CCDC88A: variants seen among roughly 807,000 people sequenced by gnomAD.
CCDC88A encodes girdin.
In CCDC88A, 54 loss-of-function variants were observed where a neutral mutation model predicts 234.3. The ratio of observed to expected loss-of-function variants is 0.23; its 90% CI spans 0.19 to 0.29. The LOEUF is 0.29. CCDC88A is among the 10% of genes least tolerant of loss of function. The probability of loss-of-function intolerance (pLI) is 1.00; values close to 1 mark genes in which losing one functional copy is unlikely to be tolerated. For synonymous variants in CCDC88A, 753 were observed against 737.8 expected, an observed-to-expected ratio of 1.02 and a Z score of -0.33; for missense variants, 1,832 against 2,123.4, an observed-to-expected ratio of 0.86 and a Z score of 2.70.
chr2:55,302,802 TCCTGCCAA>T, intron 26 of CCDC88A: 1 of 251,050 alleles, frequency 4.0e-6, no homozygotes, highest in Non-Finnish European at 7.6e-6. Context: ...AGGGTTTTTT[TCCTGCCAA>T]TTTTTAGAAA....
Position 55,359,450 on chromosome 2 carries a change from T to G in CCDC88A, c.627+2858A>C, listed in dbSNP as rs151127070. ...AAGATTATTTAGATATTTTGACATT[T>G]CTCTAATGGCAGTAACTTCTTGAGT... On this transcript the variant is annotated intron_variant, in intron 7 of 32. Transcript: ENST00000436346. 5.1e-3 allele frequency among the ~76,000 whole-genome samples: 775 copies of G among 152,104 alleles called. 3 individuals are homozygous for G. The highest frequency in any genetic ancestry group is 6.3e-3 in the Admixed American group (96 of 15,294).
At chr2:55,393,485 G>C (rs1272003000) in intron 2 of CCDC88A, among the ~76,000 whole-genome samples, 1 of 151,166 alleles carries the variant, frequency 6.6e-6, no homozygotes, top group East Asian at 1.9e-4. Context: ...GTAGTGACGG[G>C]GTTTCACTAT....
At chr2:55,348,369 G>C (rs1020787601) in intron 9 of CCDC88A, 1 of 153,246 alleles carries the variant, frequency 6.5e-6, no homozygotes, top group African/African-American at 2.4e-5. Flanking sequence ...CACCTCCCGG[G>C]TTCAAGCGAT....
At position 55,361,379 on chromosome 2, in the gene CCDC88A, C is replaced by T. The variant is rs1671290617; in HGVS notation, c.627+929G>A. Among the ~76,000 whole-genome samples the T allele has an allele frequency of 2.6e-5, 4 of 152,128 alleles. No individual in the cohort carries two copies. The South Asian group carries it at 8.3e-4, about 32-fold the overall frequency. ...CTTTCCTTCCTTTGGTCTCAAAGTCCTAGCTTTTTAAAAAATTTAATTGTT... is the reference window on the plus strand; with the variant it reads ...CTTTCCTTCCTTTGGTCTCAAAGTCTTAGCTTTTTAAAAAATTTAATTGTT... On this transcript the variant is annotated intron_variant, in intron 7 of 32. Coordinates refer to ENST00000436346, the MANE Select transcript of CCDC88A (RefSeq NM_001365480.1).
At chr2:55,366,832 A>G (rs746478910) in intron 5 of CCDC88A, among the ~76,000 whole-genome samples, 2 of 152,214 alleles carry the variant, frequency 1.3e-5, no homozygotes, top group African/African-American at 2.4e-5. Context: ...ATTGAACAAG[A>G]AAATAATAAG....
chr2:55,358,391 A>G (rs994209832), intron 7 of CCDC88A, among the ~76,000 whole-genome samples: 52 of 152,272 alleles, frequency 3.4e-4, no homozygotes, highest in African/African-American at 1.2e-3. Context: ...TTTTTGCTCC[A>G]AGATGATAAA....
chr2:55,360,783 C>A (rs1671189426), intron 7 of CCDC88A, among the ~76,000 whole-genome samples: 1 of 152,152 alleles, frequency 6.6e-6, no homozygotes, highest in Admixed American at 6.6e-5. Flanking sequence ...ACGCACCCAT[C>A]AGTCATACAA....
chr2:55,382,387 C>T (rs1261715281), intron 3 of CCDC88A, among the ~76,000 whole-genome samples: 1 of 152,152 alleles, frequency 6.6e-6, no homozygotes, highest in African/African-American at 2.4e-5. Flanking sequence ...CTTTCCTTTG[C>T]AGCCTCAAAT....
chr2:55,305,759 G>A (rs57105158), intron 25 of CCDC88A, among the ~76,000 whole-genome samples: 13,277 of 151,960 alleles, frequency 0.087, 1,381 homozygotes, highest in African/African-American at 0.25. Flanking sequence ...GGAGGATGAC[G>A]CTGAAGCAGG....
At chr2:55,357,024 G>A (rs2920971) in intron 7 of CCDC88A, among the ~76,000 whole-genome samples, 91,788 of 152,036 alleles carry the variant, frequency 0.6, 28,443 homozygotes, top group Admixed American at 0.67. Context: ...GACAGCCCAG[G>A]AATACAATCT....
At chr2:55,366,985 C>G (rs1166381440) in intron 5 of CCDC88A, among the ~76,000 whole-genome samples, 1 of 151,838 alleles carries the variant, frequency 6.6e-6, no homozygotes, top group Non-Finnish European at 1.5e-5. Flanking sequence ...TTACAAGGGC[C>G]AAAAAATGGA....
intron 2 of CCDC88A, among the ~76,000 whole-genome samples, chr2:55,407,358 A>T (rs988105323): frequency 6.6e-6 from 1 of 152,078 alleles, no homozygotes; most frequent in Non-Finnish European, 1.5e-5. Flanking sequence ...TAATCCCAGC[A>T]CTTTGGGAGA....
chr2:55,405,708 C>T (rs1679434249), intron 2 of CCDC88A: 1 of 152,158 alleles, frequency 6.6e-6, no homozygotes, highest in Admixed American at 6.5e-5. Flanking sequence ...AGCACGAACC[C>T]TATTGTGAAC....
intron 25 of CCDC88A, among the ~76,000 whole-genome samples, chr2:55,306,950 A>C (rs1681656360): frequency 6.6e-6 from 1 of 152,170 alleles, no homozygotes; most frequent in Non-Finnish European, 1.5e-5. Flanking sequence ...CCTAAGCCAA[A>C]ACACTGTGAA....
At chr2:55,376,269 T>C (rs1673645549) in intron 3 of CCDC88A, among the ~76,000 whole-genome samples, 1 of 152,230 alleles carries the variant, frequency 6.6e-6, no homozygotes, top group Admixed American at 6.5e-5. Flanking sequence ...TATTAAGGAA[T>C]AACTATGACA....
At chr2:55,377,035 T>C (rs371880681) in intron 3 of CCDC88A, among the ~76,000 whole-genome samples, 46 of 152,222 alleles carry the variant, frequency 3.0e-4, no homozygotes, top group East Asian at 2.7e-3. Context: ...GGTTTCACCA[T>C]CTTGGCCAGG....
chr2:55,294,472 G>A, intron 31 of CCDC88A: 4 of 864,228 alleles, frequency 4.6e-6, no homozygotes, highest in Non-Finnish European at 5.6e-6. Flanking sequence ...GTTAATATTT[G>A]TTATATAAAG....
At chr2:55,358,855 C>G (rs558330036) in intron 7 of CCDC88A, among the ~76,000 whole-genome samples, 2 of 152,146 alleles carry the variant, frequency 1.3e-5, no homozygotes, top group South Asian at 2.1e-4. Context: ...TCAGTTCTAT[C>G]CCTCTATCAG....
chr2:55,344,046 T>C (rs1396924853), intron 11 of CCDC88A: 4 of 379,816 alleles, frequency 1.1e-5, no homozygotes, highest in Admixed American at 4.3e-5. Context: ...GTTTTAGTGA[T>C]ACAACAAAAG....
Sources: gnomAD v4.1 joint callset for allele counts (sites outside exome capture counted in the v4.1 genomes callset) on GRCh38, gnomAD v4.1.1 for gene constraint, MANE v1.5 for transcripts, NCBI Gene and HGNC (gene_info 2026-07-23, HGNC 2026-07-21) for gene names.